TRAPPC8: variants seen among roughly 807,000 people sequenced by gnomAD.
The protein encoded by TRAPPC8 is general sporulation gene 1 homolog.
TRAPPC8 carries 54 observed loss-of-function variants against 174.3 expected under a neutral mutation model. The ratio of observed to expected loss-of-function variants is 0.31; its 90% confidence interval spans 0.25 to 0.39. The LOEUF (loss-of-function observed/expected upper bound fraction) is 0.39, where lower values mean the gene tolerates loss of function less well. Among genes scored for constraint, TRAPPC8 ranks in the 10% least tolerant of loss-of-function variants. The probability of loss-of-function intolerance (pLI) is 1.00; values close to 1 mark genes in which losing one functional copy is unlikely to be tolerated. For missense variants in TRAPPC8, 1,531 were observed against 1,699.1 expected (o/e 0.90, Z 1.74); for synonymous variants, 630 against 579.9 (o/e 1.09, Z -1.24).
intron 2 of TRAPPC8, among the ~76,000 whole-genome samples, chr18:31,921,117 A>G (rs1418819633): frequency 1.3e-5 from 2 of 152,046 alleles, no homozygotes; most frequent in East Asian, 3.9e-4. Context: ...GTGTTCTTCC[A>G]GATATATTAA....
chr18:31,912,789 C>A (rs1167543254), intron 5 of TRAPPC8, among the ~76,000 whole-genome samples: 1 of 152,168 alleles, frequency 6.6e-6, no homozygotes, highest in East Asian at 1.9e-4. Context: ...CACGTCTAGC[C>A]TATCTAACTC....
chr18:31,912,157 A>G (rs2145506661), intron 5 of TRAPPC8, among the ~76,000 whole-genome samples: 1 of 152,246 alleles, frequency 6.6e-6, no homozygotes, highest in East Asian at 1.9e-4. Context: ...CCACCTAAAA[A>G]GTATGAGTTC....
rs756459326 is a variant in TRAPPC8 at position 31,870,998 on chromosome 18, T to C, written c.2185A>G (p.Asn729Asp). Reference sequence around the variant, plus strand: ...AAACAGTATTGTGTGGGATGAAAATTGGATGGAATTACTCCTTTGTTAACC... The same window carrying C: ...AAACAGTATTGTGTGGGATGAAAATCGGATGGAATTACTCCTTTGTTAACC... ...SVVNKGVIPS[N>D]FHPTQYCLNS... The change falls in exon 15 of 29, where the codon AAT (asparagine) becomes GAT (aspartate). Residue 729 changes from asparagine (N) to aspartate (D), a missense_variant. By Grantham distance (23) the Asn-to-Asp change is conservative (BLOSUM62 1). Transcript: ENST00000283351. The C allele has an allele frequency of 1.9e-6, 3 of 1,611,112 alleles. No homozygotes were observed. The highest frequency in any genetic ancestry group is 2.2e-5 in the South Asian group (2 of 90,656).
chr18:31,935,730 G>T (rs2038068074), intron 1 of TRAPPC8, among the ~76,000 whole-genome samples: 1 of 150,164 alleles, frequency 6.7e-6, no homozygotes, highest in South Asian at 2.1e-4. Context: ...GAGGGAGAGA[G>T]ACCCCATTTC....
chr18:31,923,104 T>C (rs2037459972), intron 2 of TRAPPC8, among the ~76,000 whole-genome samples: 1 of 152,146 alleles, frequency 6.6e-6, no homozygotes, highest in Non-Finnish European at 1.5e-5. Flanking sequence ...TAAAATAAGA[T>C]GCAGCCCAAA....
At chr18:31,851,767 A>AAT (rs1033566671) in intron 24 of TRAPPC8, among the ~76,000 whole-genome samples, 6 of 152,124 alleles carry the variant, frequency 3.9e-5, no homozygotes, top group Non-Finnish European at 8.8e-5. Context: ...TGGGTCTCAG[A>AAT]ATATGATATG....
At chr18:31,852,344 A>G (rs887449284) in intron 24 of TRAPPC8, 102 bp downstream of exon 24, 12 of 1,381,596 alleles carry the variant, frequency 8.7e-6, no homozygotes, top group Admixed American at 2.0e-5. Flanking sequence ...CTCCCCCCCA[A>G]AAAAAAGCGT....
At position 31,885,695 on chromosome 18, in the gene TRAPPC8, C is replaced by G. The variant is rs193011845; in HGVS notation, c.1728+5040G>C. ...CCAACATGGAGAAACCCTGTCTCTACTAAAAATACAAAAAAAAATTAGCCA... is the reference window on the plus strand; with the variant it reads ...CCAACATGGAGAAACCCTGTCTCTAGTAAAAATACAAAAAAAAATTAGCCA... On this transcript the variant is annotated intron_variant, in intron 12 of 28. Coordinates refer to ENST00000283351, the MANE Select transcript of TRAPPC8 (RefSeq NM_014939.5). Among the ~76,000 whole-genome samples the G allele has an allele frequency of 3.1e-3, 475 of 151,768 alleles. 3 individuals carry two copies. Among genetic ancestry groups the G allele is most frequent in the Middle Eastern group, 6.8e-3 (2 of 294 alleles).
At chr18:31,899,477 G>A (rs981708839) in intron 10 of TRAPPC8, among the ~76,000 whole-genome samples, 5 of 152,122 alleles carry the variant, frequency 3.3e-5, no homozygotes, top group Non-Finnish European at 5.9e-5. Context: ...AACATTATAG[G>A]GGTCTTATAG....
intron 16 of TRAPPC8, among the ~76,000 whole-genome samples, chr18:31,869,295 A>G (rs892941635): frequency 6.6e-5 from 10 of 152,236 alleles, no homozygotes; most frequent in Admixed American, 4.6e-4. Context: ...GGAAAAACAA[A>G]GAGTTTCAAC....
At position 31,852,644 on chromosome 18, in the gene TRAPPC8, C is replaced by T. The variant is rs2033773019; in HGVS notation, c.3453G>A (p.Arg1151=). 1.2e-6 allele frequency: 2 copies of T among 1,613,836 alleles called. No homozygotes were observed. Among genetic ancestry groups the T allele is most frequent in the Non-Finnish European group, 8.5e-7 (1 of 1,179,960 alleles). ...SENKDTKLAS[R]EKGKFCFKAI... is the part of the protein sequence containing the mutation. ...CCTTAAAGCAAAACTTTCCCTTCTC[C>T]CTACTGGCAAGTTTGGTATCTAGGA... is the stretch of plus-strand genomic sequence containing the variant. Residue 1151 remains arginine (R), a synonymous_variant, in exon 23 of 29, where the codon AGG becomes AGA. Coordinates refer to ENST00000283351, the MANE Select transcript of TRAPPC8 (RefSeq NM_014939.5).
rs144597367 is a variant in TRAPPC8, at chr18:31,901,652, G to A, written c.1390-627C>T. Among the ~76,000 whole-genome samples the A allele has an allele frequency of 2.8e-3, 433 of 152,280 alleles. 2 individuals carry two copies. The highest frequency in any genetic ancestry group is 9.5e-3 in the African/African-American group (396 of 41,566). ...TGAATTCTGGTGTCCAGACAATTAC[G>A]AAAGGCTCAGGCAAATATAAGGGCA... On this transcript the variant is annotated intron_variant, in intron 9 of 28. Coordinates refer to ENST00000283351, the MANE Select transcript of TRAPPC8 (RefSeq NM_014939.5).
intron 1 of TRAPPC8, among the ~76,000 whole-genome samples, chr18:31,934,974 A>ATAAG (rs2038018807): frequency 6.6e-6 from 1 of 151,318 alleles, no homozygotes; most frequent in African/African-American, 2.4e-5. Flanking sequence ...AAATAAATAA[A>ATAAG]TAAATAAATA....
At chr18:31,935,172 C>T (rs1016457144) in intron 1 of TRAPPC8, among the ~76,000 whole-genome samples, 8 of 151,228 alleles carry the variant, frequency 5.3e-5, no homozygotes, top group African/African-American at 1.9e-4. Flanking sequence ...TAGAGAAACC[C>T]CGTCTCTACT....
At chr18:31,865,307 CTTGT>C (rs1015008165) in intron 18 of TRAPPC8, among the ~76,000 whole-genome samples, 9 of 152,122 alleles carry the variant, frequency 5.9e-5, no homozygotes, top group African/African-American at 2.2e-4. Context: ...CAAAATTAAA[CTTGT>C]TTAATATTCA....
In TRAPPC8 at chr18:31,898,173, A is replaced by C. The variant is rs568995060; in HGVS notation, c.1491-282T>G. ...TGTAAATACTATGTAAATCATTGTT[A>C]TACTTTATTTTTTATTTGTATTTTA... is the stretch of plus-strand genomic sequence containing the variant. On this transcript the variant is annotated intron_variant, in intron 10 of 28. Coordinates refer to ENST00000283351, the MANE Select transcript of TRAPPC8 (RefSeq NM_014939.5). Among the ~76,000 whole-genome samples, 8 of 152,256 alleles carry C rather than the reference A, an allele frequency of 5.3e-5. No homozygotes were observed. In the South Asian group the frequency reaches 1.4e-3, roughly 28 times the overall value.
At chr18:31,926,267 A>T (rs1301892926) in intron 2 of TRAPPC8, among the ~76,000 whole-genome samples, 1 of 152,100 alleles carries the variant, frequency 6.6e-6, no homozygotes. Context: ...AATAGCTAAG[A>T]TTTTTTTGTC....
In TRAPPC8 at chr18:31,916,322, T is replaced by G. The variant is rs752711202; in HGVS notation, c.567A>C (p.Thr189=). ...YSYPKWFIPN[T]LKYYVLLHDV... ...CATGTAAAAGTACATAGTATTTAAG[T>G]GTATTTGGTATAAACCACTTGGGGT... Residue 189 remains threonine (T), a synonymous_variant, in exon 4 of 29, where the codon ACA becomes ACC. Coordinates refer to ENST00000283351, the MANE Select transcript of TRAPPC8 (RefSeq NM_014939.5). The G allele has an allele frequency of 6.2e-7, 1 of 1,611,596 alleles. No homozygotes were observed. The highest frequency in any genetic ancestry group is 2.2e-5 in the East Asian group (1 of 44,712).
chr18:31,880,090 A>AAATAT (rs1259899654), intron 12 of TRAPPC8, among the ~76,000 whole-genome samples: 51 of 85,324 alleles, frequency 6.0e-4, no homozygotes, highest in Non-Finnish European at 9.0e-4. Flanking sequence ...TGAAAAAAAA[A>AAATAT]ATATATATAT....
Sources: gnomAD v4.1 joint callset for allele counts (sites outside exome capture counted in the v4.1 genomes callset) on GRCh38, gnomAD v4.1.1 for gene constraint, MANE v1.5 for transcripts, NCBI Gene and HGNC (gene_info 2026-07-23, HGNC 2026-07-21) for gene names.